MRPS9: variants seen among roughly 807,000 people sequenced by gnomAD.
MRPS9 encodes the protein small ribosomal subunit protein uS9m.
Under a neutral mutation model 59.9 loss-of-function variants are expected in MRPS9, and 45 were observed. The observed-to-expected ratio is 0.75, with a 90% CI of 0.59 to 0.96. MRPS9 has a LOEUF of 0.96. MRPS9 is among the 40% of genes least tolerant of loss of function. The pLI is 0.00. For missense variants in MRPS9, 473 were observed against 481.1 expected (o/e 0.98, Z 0.16); for synonymous variants, 171 against 166.8 (o/e 1.03, Z -0.19).
chr2:105,054,317 C>G (rs1679762088), intron 2 of MRPS9, among the ~76,000 whole-genome samples: 1 of 152,200 alleles, frequency 6.6e-6, no homozygotes, highest in Admixed American at 6.5e-5. Flanking sequence ...GTCTTCCATG[C>G]CACCTGAGAA....
intron 2 of MRPS9, among the ~76,000 whole-genome samples, chr2:105,060,271 C>T (rs1008886696): frequency 2.0e-5 from 3 of 152,048 alleles, no homozygotes; most frequent in African/African-American, 7.2e-5. Flanking sequence ...TGGGAAATTA[C>T]AATTGTGTGT....
intron 2 of MRPS9, among the ~76,000 whole-genome samples, chr2:105,062,148 A>C (rs79460478): frequency 0.039 from 5,982 of 152,086 alleles, 420 homozygotes; most frequent in African/African-American, 0.14. Context: ...ACACACACAC[A>C]CACTCTCTCT....
intron 2 of MRPS9, among the ~76,000 whole-genome samples, chr2:105,051,184 C>T (rs755867148): frequency 7.2e-5 from 11 of 152,258 alleles, no homozygotes; most frequent in Middle Eastern, 6.8e-3. Flanking sequence ...TTAGCTCTTA[C>T]ATTTAGGTCT....
At chr2:105,079,827 A>G (rs1260240776) in intron 4 of MRPS9, among the ~76,000 whole-genome samples, 156 bp from the exon 5 acceptor site, 1 of 152,332 alleles carries the variant, frequency 6.6e-6, no homozygotes, top group African/African-American at 2.4e-5. Flanking sequence ...GCATATAAAT[A>G]TGCTAAACTA....
chr2:105,066,064 G>A (rs542241210), intron 2 of MRPS9, among the ~76,000 whole-genome samples: 32 of 152,336 alleles, frequency 2.1e-4, no homozygotes, highest in African/African-American at 6.5e-4. Context: ...ATGGCAGACA[G>A]CGTGCCAGGA....
At chr2:105,078,315 AGTGTGT>A (rs71250682) in intron 4 of MRPS9, among the ~76,000 whole-genome samples, 15 of 147,466 alleles carry the variant, frequency 1.0e-4, no homozygotes, top group Admixed American at 5.4e-4. Context: ...GGTGAAGTCA[AGTGTGT>A]GTGTGTGTGT....
chr2:105,071,176 C>T, intron 2 of MRPS9, 137 bp from the exon 3 acceptor site: 13 of 621,624 alleles, frequency 2.1e-5, no homozygotes, highest in East Asian at 5.8e-5. Flanking sequence ...TTTTATCATC[C>T]CATTGAAACA....
intron 9 of MRPS9, among the ~76,000 whole-genome samples, chr2:105,096,508 G>A (rs1680662917): frequency 6.6e-6 from 1 of 152,064 alleles, no homozygotes; most frequent in African/African-American, 2.4e-5. Context: ...GATCTTGTAG[G>A]CCCTGACCGA....
intron 1 of MRPS9, among the ~76,000 whole-genome samples, chr2:105,039,785 G>A (rs1679470242): frequency 6.6e-6 from 1 of 152,134 alleles, no homozygotes; most frequent in African/African-American, 2.4e-5. Context: ...TAAAGTTTCA[G>A]TAAACATCTG....
Position 105,099,906 on chromosome 2 carries a change from A to G in MRPS9, c.*145A>G, listed in dbSNP as rs750800431. ...TGAGATGGATTTATTTTTAAATGCT[A>G]CTTTGTAAAGGTGACCTTTAAAAAA... On this transcript the variant is annotated 3_prime_UTR_variant, in exon 11 of 11. Coordinates refer to ENST00000258455, the MANE Select transcript of MRPS9 (RefSeq NM_182640.3). The G allele has an allele frequency of 1.4e-5, 8 of 572,066 alleles. No individual in the cohort carries two copies. Among genetic ancestry groups the G allele is most frequent in the Admixed American group, 3.2e-5 (1 of 31,036 alleles). 35.4% of individuals were successfully genotyped at this position (572,066 alleles called of 1,614,324 possible).
At chr2:105,044,133 A>G (rs1679551108) in intron 1 of MRPS9, among the ~76,000 whole-genome samples, 1 of 151,572 alleles carries the variant, frequency 6.6e-6, no homozygotes, top group Admixed American at 6.6e-5. Flanking sequence ...ATGGGGTTTC[A>G]CCATGTTGGC....
At chr2:105,077,015 G>A (rs1021109391) in intron 4 of MRPS9, among the ~76,000 whole-genome samples, 11 of 152,162 alleles carry the variant, frequency 7.2e-5, no homozygotes, top group Admixed American at 6.5e-5. Flanking sequence ...TTGGGAGGCC[G>A]AGGCAGGTGG....
chr2:105,064,085 T>C (rs1402368544), intron 2 of MRPS9, among the ~76,000 whole-genome samples: 1 of 152,056 alleles, frequency 6.6e-6, no homozygotes, highest in Admixed American at 6.5e-5. Context: ...ACTACGGAAA[T>C]AGATTTGGTC....
intron 4 of MRPS9, among the ~76,000 whole-genome samples, chr2:105,072,248 C>G (rs760667764): frequency 6.6e-6 from 1 of 152,168 alleles, no homozygotes; most frequent in African/African-American, 2.4e-5. Flanking sequence ...TGCTGCTCCC[C>G]GTTGCTTTTA....
chr2:105,038,537 A>G (rs1286590315), intron 1 of MRPS9: 2 of 338,746 alleles, frequency 5.9e-6, no homozygotes, highest in Non-Finnish European at 1.1e-5. Context: ...TGTTGGGTCC[A>G]GTCCTACCCT....
At position 105,080,424 on chromosome 2, in the gene MRPS9, G is replaced by T. The variant is rs960473203; in HGVS notation, c.489+362G>T. On this transcript the variant is annotated intron_variant, in intron 5 of 10. Coordinates refer to ENST00000258455, the MANE Select transcript of MRPS9 (RefSeq NM_182640.3). Reference sequence around the variant, plus strand: ...GCTGTGAGGCATTTGCCTTGAAAAAGAATCAAATGGTTATTTCTCATTTTT... The same window carrying T: ...GCTGTGAGGCATTTGCCTTGAAAAATAATCAAATGGTTATTTCTCATTTTT... Among the ~76,000 whole-genome samples, 4 of 152,196 alleles carry T rather than the reference G, an allele frequency of 2.6e-5. No homozygotes were observed. The South Asian group carries it at 8.3e-4, about 32-fold the overall frequency.
At chr2:105,094,135 T>G (rs2104470297) in intron 9 of MRPS9, among the ~76,000 whole-genome samples, 1 of 152,324 alleles carries the variant, frequency 6.6e-6, no homozygotes, top group East Asian at 1.9e-4. Flanking sequence ...TTTATCATTT[T>G]GGATTTTTTC....
chr2:105,077,420 C>T (rs189475315), intron 4 of MRPS9, among the ~76,000 whole-genome samples: 19 of 151,886 alleles, frequency 1.3e-4, no homozygotes, highest in African/African-American at 4.1e-4. Context: ...ATATACAGGC[C>T]GTAAAAAGAG....
In MRPS9 at chr2:105,099,783, G is replaced by A. The variant is rs1680751635; in HGVS notation, c.*22G>A. Reference sequence around the variant, plus strand: ...CTAAGGGTTTGCTCCCAGGAAAGGAGAGGAAGAGCTATATATATGTGCCGA... The same window carrying A: ...CTAAGGGTTTGCTCCCAGGAAAGGAAAGGAAGAGCTATATATATGTGCCGA... On this transcript the variant is annotated 3_prime_UTR_variant, in exon 11 of 11. Coordinates refer to ENST00000258455, the MANE Select transcript of MRPS9 (RefSeq NM_182640.3). 1 of 1,611,350 alleles carries A rather than the reference G, an allele frequency of 6.2e-7. No homozygotes were observed. Among genetic ancestry groups the A allele is most frequent in the African/African-American group, 1.3e-5 (1 of 74,892 alleles).
Sources: allele counts gnomAD v4.1 joint callset (sites outside exome capture counted in the v4.1 genomes callset), GRCh38; gene constraint gnomAD v4.1.1; transcripts MANE v1.5; gene names NCBI Gene and HGNC (gene_info 2026-07-23, HGNC 2026-07-21).